COL6A5: variants seen among roughly 807,000 people sequenced by gnomAD.
COL6A5 encodes collagen alpha-5(VI) chain.
In COL6A5, 48 loss-of-function variants were observed where a neutral mutation model predicts 65.6. The observed-to-expected ratio is 0.73, with a 90% CI of 0.58 to 0.93. The LOEUF (loss-of-function observed/expected upper bound fraction) is 0.93, where lower values mean the gene tolerates loss of function less well. Ranked by LOEUF, COL6A5 falls within the 40% of genes least tolerant of loss-of-function variation. The probability of loss-of-function intolerance (pLI) is 0.00; values close to 1 mark genes in which losing one functional copy is unlikely to be tolerated. For missense variants in COL6A5, 914 were observed against 928.3 expected (o/e 0.98, Z 0.20); for synonymous variants, 291 against 322.8 (o/e 0.90, Z 1.05).
At chr3:130,480,455 TG>T (rs1182659607) in intron 7 of COL6A5, among the ~76,000 whole-genome samples, 1 of 152,056 alleles carries the variant, frequency 6.6e-6, no homozygotes, top group Non-Finnish European at 1.5e-5. Context: ...TGAAATTCTA[TG>T]GGGAAAGTGG....
chr3:130,416,803 G>T (rs1290150999), exon 24 of COL6A5: 6 of 1,519,474 alleles, frequency 3.9e-6, no homozygotes, highest in Non-Finnish European at 5.3e-6. Flanking sequence ...GGAAGACCTG[G>T]ACTTTTGGGG....
At chr3:130,349,795 G>A (rs773657823) in intron 1 of COL6A5, among the ~76,000 whole-genome samples, 10 of 152,146 alleles carry the variant, frequency 6.6e-5, no homozygotes, top group Non-Finnish European at 1.2e-4. Context: ...CTCAAAAACA[G>A]TGGCTTAACC....
At chr3:130,386,634 C>T (rs984609792) in intron 5 of COL6A5, among the ~76,000 whole-genome samples, 3 of 151,856 alleles carry the variant, frequency 2.0e-5, no homozygotes, top group Admixed American at 1.3e-4. Flanking sequence ...TTCCTGGAGT[C>T]GATGCTAAGA....
chr3:130,456,344 G>A (rs576053167), intron 5 of COL6A5, among the ~76,000 whole-genome samples: 10 of 152,008 alleles, frequency 6.6e-5, no homozygotes, highest in Middle Eastern at 3.4e-3. Context: ...GGTGGGAATG[G>A]GTAATGGGTA....
intron 7 of COL6A5, among the ~76,000 whole-genome samples, chr3:130,473,748 T>C (rs1186479855): frequency 6.6e-6 from 1 of 152,094 alleles, no homozygotes; most frequent in Non-Finnish European, 1.5e-5. Context: ...AGTAATAATA[T>C]GAACCTGTGA....
chr3:130,389,011 A>G, exon 6 of COL6A5: 1 of 1,544,438 alleles, frequency 6.5e-7, no homozygotes, highest in Non-Finnish European at 8.7e-7. Context: ...AGGAGTATAC[A>G]ATGCCAATAG....
At chr3:130,480,174 T>C (rs1710199631) in intron 7 of COL6A5, among the ~76,000 whole-genome samples, 3 of 152,022 alleles carry the variant, frequency 2.0e-5, no homozygotes, top group Admixed American at 1.3e-4. Flanking sequence ...AACAGTAATA[T>C]GTAAAAATAA....
rs541531354 is a variant in COL6A5, at chr3:130,394,912, C to A, written c.3015C>A (p.Asp1005Glu). 10 of 1,550,614 alleles carry A rather than the reference C, an allele frequency of 6.4e-6. No individual in the cohort carries two copies. The South Asian group carries it at 7.2e-5, about 11-fold the overall frequency. ...CAGTCTGTCATCTTCAGGAAGCTGACGTGATTTTCCTTTGCGATGGCTCTG... is the reference window on the plus strand; with the variant it reads ...CAGTCTGTCATCTTCAGGAAGCTGAAGTGATTTTCCTTTGCGATGGCTCTG... Residue 1005 changes from aspartate to glutamate, a missense_variant and NMD_transcript_variant, in exon 8 of 42, where the codon GAC becomes GAA. By Grantham distance (45) the Asp-to-Glu change is conservative (BLOSUM62 2). Transcript: ENST00000312481.
At position 130,397,566 on chromosome 3, in the gene COL6A5, G is replaced by C. The variant is rs1342560291; in HGVS notation, c.3569-17G>C. The C allele has an allele frequency of 3.3e-6, 5 of 1,528,564 alleles. No individual in the cohort carries two copies. The South Asian group carries it at 6.2e-5, about 19-fold the overall frequency. The allele number at this position is 1,528,564 out of a possible 1,614,324, so 94.7% of individuals were successfully genotyped here. A position where few individuals can be genotyped will look rare whatever the true frequency, so the allele number is the denominator to read the frequency against. On this transcript the variant is annotated splice_polypyrimidine_tract_variant and intron_variant and NMD_transcript_variant, in intron 8 of 41. Transcript: ENST00000312481. Reference sequence around the variant, plus strand: ...CTGTCTACTCGTTAATCTTGACTCTGTTCCCTTGGTTTCTAGATTGCTTTA... The same window carrying C: ...CTGTCTACTCGTTAATCTTGACTCTCTTCCCTTGGTTTCTAGATTGCTTTA...
chr3:130,413,669 G>A lies in COL6A5; in HGVS notation c.4698+89G>A. ...GTGGTGCTGGGAATCATATCAATGAGCATTTTACAAGGGTATAGGAAGTGC... is the reference window on the plus strand; with the variant it reads ...GTGGTGCTGGGAATCATATCAATGAACATTTTACAAGGGTATAGGAAGTGC... On this transcript the variant is annotated intron_variant and NMD_transcript_variant, in intron 21 of 41. Transcript: ENST00000312481. The A allele has an allele frequency of 1.7e-5, 22 of 1,307,890 alleles. No individual in the cohort carries two copies. The South Asian group carries it at 2.3e-4, about 13-fold the overall frequency. 81.0% of individuals were successfully genotyped at this position (1,307,890 alleles called of 1,614,324 possible).
At chr3:130,431,989 G>A (rs1054992923) in intron 1 of COL6A5, 40 bp downstream of exon 33, 78 of 1,538,220 alleles carry the variant, frequency 5.1e-5, no homozygotes, top group Admixed American at 1.4e-4. Flanking sequence ...TTTTAAGATA[G>A]AGGTAGGTAT....
intron 4 of COL6A5, among the ~76,000 whole-genome samples, chr3:130,452,083 C>T (rs1709455333): frequency 6.6e-6 from 1 of 152,136 alleles, no homozygotes; most frequent in Non-Finnish European, 1.5e-5. Flanking sequence ...ACTCAAACAC[C>T]ACCCTGTTTT....
intron 1 of COL6A5, among the ~76,000 whole-genome samples, chr3:130,436,868 C>T (rs1709047330): frequency 6.6e-6 from 1 of 152,108 alleles, no homozygotes; most frequent in African/African-American, 2.4e-5. Flanking sequence ...TTGACACTCT[C>T]ATCCAGACTC....
exon 1 of COL6A5, chr3:130,345,952 C>T (rs896213334): frequency 2.5e-6 from 1 of 398,542 alleles, no homozygotes; most frequent in Non-Finnish European, 4.4e-6. Flanking sequence ...TTCCAGGGTC[C>T]GGAGTGTCCC....
rs761409677 is a variant in COL6A5, at chr3:130,388,667, T to G, written c.1949T>G (p.Phe650Cys). 6.4e-6 allele frequency: 10 copies of G among 1,551,204 alleles called. No homozygotes were observed. In the South Asian group the frequency reaches 1.2e-4, roughly 18 times the overall value. The stretch of plus-strand genomic sequence containing the variant: ...GAAAATTTTAGGAAAATGAAAATCT[T>G]CATGAAAAACCTGTTAACTAAAATT... Residue 650 changes from phenylalanine (F) to cysteine (C), a missense_variant and NMD_transcript_variant, in exon 6 of 42, where the codon TTC becomes TGC. Coordinates refer to the COL6A5 transcript ENST00000312481.
intron 3 of COL6A5, among the ~76,000 whole-genome samples, chr3:130,442,125 C>T (rs886425432): frequency 6.6e-6 from 1 of 152,082 alleles, no homozygotes; most frequent in Non-Finnish European, 1.5e-5. Flanking sequence ...CTAAGATGCC[C>T]TCAATTGTAT....
At chr3:130,404,719 C>G (rs1363221434) in intron 13 of COL6A5, among the ~76,000 whole-genome samples, 1 of 152,196 alleles carries the variant, frequency 6.6e-6, no homozygotes, top group African/African-American at 2.4e-5. Context: ...ATGGGCAAGG[C>G]CTCCTCCTTT....
Position 130,376,905 on chromosome 3 carries a change from T to C in COL6A5, c.667+69T>C, listed in dbSNP as rs1246375125. 29 of 1,439,908 alleles carry C rather than the reference T, an allele frequency of 2.0e-5. No individual in the cohort carries two copies. The South Asian group carries it at 2.6e-4, about 13-fold the overall frequency. 89.2% of individuals were successfully genotyped at this position (1,439,908 alleles called of 1,614,324 possible). Reference sequence around the variant, plus strand: ...GTCTACATCTGTCCACTCTCACCTCTTGCAACTCATGTTAGGTTTTCATGA... The same window carrying C: ...GTCTACATCTGTCCACTCTCACCTCCTGCAACTCATGTTAGGTTTTCATGA... On this transcript the variant is annotated intron_variant and NMD_transcript_variant, in intron 3 of 41. Transcript: ENST00000312481.
At chr3:130,391,644 T>G (rs1005320500) in exon 7 of COL6A5, 3 of 1,551,492 alleles carry the variant, frequency 1.9e-6, no homozygotes, top group Admixed American at 2.0e-5. Flanking sequence ...CAAAAGGAAC[T>G]TGAGGGTATG....
Sources: gnomAD v4.1 joint callset for allele counts (sites outside exome capture counted in the v4.1 genomes callset) on GRCh38, gnomAD v4.1.1 for gene constraint, MANE v1.5 for transcripts, NCBI Gene and HGNC (gene_info 2026-07-23, HGNC 2026-07-21) for gene names.